The following MSRA variants were observed in gnomAD, a reference collection of about 807,000 sequenced individuals.
MSRA encodes mitochondrial peptide methionine sulfoxide reductase.
Under a neutral mutation model 31.3 loss-of-function variants are expected in MSRA, and 54 were observed. The observed-to-expected ratio is 1.73, with a 90% confidence interval of 1.39 to 2.17. The LOEUF is 2.17. MSRA is among the 30% of genes most tolerant of loss of function. The pLI is 0.00. For missense variants in MSRA, 507 were observed against 300.9 expected, an observed-to-expected ratio of 1.69 and a Z score of -5.07; for synonymous variants, 169 against 116.5, an observed-to-expected ratio of 1.45 and a Z score of -2.90.
intron 5 of MSRA, among the ~76,000 whole-genome samples, chr8:10,385,840 A>C (rs764992332): frequency 5.5e-4 from 84 of 152,142 alleles, no homozygotes; most frequent in Non-Finnish European, 9.3e-4. Flanking sequence ...AAGCAGGTGA[A>C]GGACAGAATA....
chr8:10,360,781 G>A (rs68071218), intron 5 of MSRA, among the ~76,000 whole-genome samples: 18,864 of 152,204 alleles, frequency 0.12, 1,224 homozygotes, highest in African/African-American at 0.15. Flanking sequence ...AGATCTGGGA[G>A]GAGTCCACCC....
chr8:10,211,249 C>T (rs114904961), intron 2 of MSRA, among the ~76,000 whole-genome samples: 379 of 152,248 alleles, frequency 2.5e-3, no homozygotes, highest in African/African-American at 7.3e-3. Context: ...ATCAAGGGAT[C>T]AGAGAATAGA....
At chr8:10,107,277 T>A (rs900885019) in intron 1 of MSRA, among the ~76,000 whole-genome samples, 11 of 151,994 alleles carry the variant, frequency 7.2e-5, no homozygotes, top group African/African-American at 1.5e-4. Flanking sequence ...TTTTTTTTTT[T>A]AATTTAACAC....
At chr8:10,337,909 T>C in intron 5 of MSRA, 1 of 665,374 alleles carries the variant, frequency 1.5e-6, no homozygotes, top group Non-Finnish European at 2.7e-6. Flanking sequence ...CAGCAGGGCT[T>C]CGTGTTTCTG....
At chr8:10,320,699 G>T (rs548916981) in intron 5 of MSRA, among the ~76,000 whole-genome samples, 12 of 152,272 alleles carry the variant, frequency 7.9e-5, no homozygotes, top group Admixed American at 3.3e-4. Flanking sequence ...AATTCTGGAG[G>T]CTGGAAGTCC....
intron 3 of MSRA, among the ~76,000 whole-genome samples, chr8:10,298,544 A>G (rs1363420865): frequency 6.6e-6 from 1 of 152,192 alleles, no homozygotes; most frequent in Non-Finnish European, 1.5e-5. Context: ...CTGGAGCCGG[A>G]TGATTAGTGA....
At chr8:10,397,497 T>C (rs1298355357) in intron 5 of MSRA, among the ~76,000 whole-genome samples, 1 of 152,222 alleles carries the variant, frequency 6.6e-6, no homozygotes, top group Non-Finnish European at 1.5e-5. Context: ...TTGCAGAGCC[T>C]GTGCTCTTCT....
intron 1 of MSRA, among the ~76,000 whole-genome samples, chr8:10,055,611 G>C (rs1055921748): frequency 6.6e-6 from 1 of 152,236 alleles, no homozygotes; most frequent in African/African-American, 2.4e-5. Flanking sequence ...TGTAATGTAC[G>C]CTGTAGCTTG....
Position 10,113,289 on chromosome 8 carries a change from C to CTTTGTTTTTTT in MSRA, c.142+58633_142+58634insTGTTTTTTTTT, listed in dbSNP as rs1467440154. On this transcript the variant is annotated intron_variant, in intron 1 of 5. Coordinates refer to ENST00000317173, the MANE Select transcript of MSRA (RefSeq NM_012331.5). ...AGGCATGGCTTTGGTGAAGACAGGT[C>CTTTGTTTTTTT]TTCTTTTTTTTTTTTTTTTTTTTTT... Among the ~76,000 whole-genome samples the CTTTGTTTTTTT allele has an allele frequency of 3.9e-5, 2 of 50,898 alleles. 1 individual carries two copies. The highest frequency in any genetic ancestry group is 6.4e-5 in the Non-Finnish European group (2 of 31,492). The allele number at this position is 50,898 out of a possible 152,430, so 33.4% of individuals were successfully genotyped here.
intron 1 of MSRA, among the ~76,000 whole-genome samples, chr8:10,173,707 G>T (rs1407461218): frequency 6.6e-6 from 1 of 152,162 alleles, no homozygotes; most frequent in Non-Finnish European, 1.5e-5. Flanking sequence ...ATCCTGCCTT[G>T]ATTAACTCAA....
chr8:10,305,606 G>A (rs183598481), intron 4 of MSRA, among the ~76,000 whole-genome samples: 1 of 152,030 alleles, frequency 6.6e-6, no homozygotes, highest in African/African-American at 2.4e-5. Context: ...TAGAGATGGG[G>A]TTTCACCATG....
chr8:10,092,060 A>G (rs1798885240), intron 1 of MSRA, among the ~76,000 whole-genome samples: 1 of 145,644 alleles, frequency 6.9e-6, no homozygotes, highest in African/African-American at 2.5e-5. Flanking sequence ...TAGCCATTCT[A>G]ACAGGTGTGA....
intron 5 of MSRA, among the ~76,000 whole-genome samples, chr8:10,407,230 G>A (rs934990214): frequency 6.6e-6 from 1 of 152,184 alleles, no homozygotes; most frequent in African/African-American, 2.4e-5. Context: ...ACAAGAACTG[G>A]CATCTCACAA....
chr8:10,268,153 C>G (rs1383688346), intron 3 of MSRA, among the ~76,000 whole-genome samples: 1 of 152,186 alleles, frequency 6.6e-6, no homozygotes, highest in African/African-American at 2.4e-5. Context: ...GCAGAGCAGT[C>G]CTGGTGTTGA....
chr8:10,395,865 G>C (rs1175913687), intron 5 of MSRA, among the ~76,000 whole-genome samples: 1 of 152,104 alleles, frequency 6.6e-6, no homozygotes, highest in African/African-American at 2.4e-5. Context: ...GGTGCTCCTA[G>C]GCACACATCC....
chr8:10,198,225 A>G (rs934455891), intron 1 of MSRA, among the ~76,000 whole-genome samples: 1 of 152,182 alleles, frequency 6.6e-6, no homozygotes, highest in African/African-American at 2.4e-5. Flanking sequence ...ATAAATCAGC[A>G]TATAAATCAG....
At chr8:10,341,563 C>T (rs1474785260) in intron 5 of MSRA, among the ~76,000 whole-genome samples, 1 of 152,204 alleles carries the variant, frequency 6.6e-6, no homozygotes, top group African/African-American at 2.4e-5. Context: ...TATCAACTCT[C>T]TAAGTGATTT....
intron 5 of MSRA, 150 bp downstream of exon 5, chr8:10,320,139 C>T: frequency 1.8e-6 from 1 of 562,268 alleles, no homozygotes; most frequent in Non-Finnish European, 3.2e-6. Context: ...AGGAGTGGAG[C>T]CATTGTGTCT....
intron 1 of MSRA, among the ~76,000 whole-genome samples, chr8:10,067,843 C>T (rs1300281964): frequency 6.8e-6 from 1 of 147,966 alleles, no homozygotes; most frequent in South Asian, 2.1e-4. Context: ...AATCTTTTGC[C>T]CATATTTCAG....
Sources: gnomAD v4.1 joint callset for allele counts (sites outside exome capture counted in the v4.1 genomes callset) on GRCh38, gnomAD v4.1.1 for gene constraint, MANE v1.5 for transcripts, NCBI Gene and HGNC (gene_info 2026-07-23, HGNC 2026-07-21) for gene names.